Variants in KDM4C observed in about 807,000 individuals in gnomAD.
KDM4C encodes the protein lysine demethylase 4C.
Under a neutral mutation model 129.3 loss-of-function variants are expected in KDM4C, and 81 were observed. The observed-to-expected ratio is 0.63, with a 90% CI of 0.52 to 0.75. The LOEUF is 0.75. KDM4C is among the 30% of genes least tolerant of loss of function. The pLI is 0.00. For missense variants in KDM4C, 1,457 were observed against 1,304.0 expected, an observed-to-expected ratio of 1.12 and a Z score of -1.81; for synonymous variants, 573 against 456.1, an observed-to-expected ratio of 1.26 and a Z score of -3.26.
chr9:6,774,269 A>C (rs1384431825), intron 1 of KDM4C, among the ~76,000 whole-genome samples: 3 of 152,216 alleles, frequency 2.0e-5, no homozygotes, highest in Non-Finnish European at 4.4e-5. Flanking sequence ...GTCCTTCACC[A>C]GGCATGCAGG....
intron 19 of KDM4C, among the ~76,000 whole-genome samples, chr9:7,146,034 C>CA (rs764468790): frequency 1.2e-4 from 18 of 152,326 alleles, no homozygotes; most frequent in Non-Finnish European, 1.8e-4. Flanking sequence ...GGACATTGAA[C>CA]ACTTACCAGT....
intron 15 of KDM4C, among the ~76,000 whole-genome samples, chr9:7,018,033 C>T (rs1244035450): frequency 1.3e-5 from 2 of 152,102 alleles, no homozygotes; most frequent in African/African-American, 4.8e-5. Context: ...TCAGTGGGCC[C>T]AGAAAGCATT....
intron 17 of KDM4C, among the ~76,000 whole-genome samples, chr9:7,061,752 T>C (rs563984323): frequency 1.6e-4 from 24 of 152,354 alleles, no homozygotes; most frequent in Non-Finnish European, 2.2e-4. Flanking sequence ...GAGACCCTCT[T>C]TTACTGGCTC....
intron 19 of KDM4C, among the ~76,000 whole-genome samples, chr9:7,159,354 G>A (rs994793379): frequency 3.9e-5 from 6 of 152,174 alleles, no homozygotes; most frequent in Non-Finnish European, 7.3e-5. Context: ...ATTGTTATGT[G>A]TGAATTTGAT....
chr9:6,932,702 G>A (rs143805703), intron 8 of KDM4C, among the ~76,000 whole-genome samples: 9 of 152,164 alleles, frequency 5.9e-5, no homozygotes, highest in Non-Finnish European at 7.3e-5. Context: ...TCCTTCATTG[G>A]TTCTGACCCC....
chr9:7,009,787 A>G (rs1463196324), intron 12 of KDM4C, among the ~76,000 whole-genome samples: 3 of 152,176 alleles, frequency 2.0e-5, no homozygotes, highest in African/African-American at 7.2e-5. Context: ...TTTCAATTCC[A>G]CTTGACTCCT....
At chr9:7,147,843 G>T (rs988100976) in intron 19 of KDM4C, among the ~76,000 whole-genome samples, 1 of 152,216 alleles carries the variant, frequency 6.6e-6, no homozygotes, top group Non-Finnish European at 1.5e-5. Flanking sequence ...GGAGCCTTAG[G>T]GTGTTGCTTT....
At chr9:7,110,112 C>T (rs1451844278) in intron 18 of KDM4C, among the ~76,000 whole-genome samples, 1 of 152,220 alleles carries the variant, frequency 6.6e-6, no homozygotes, top group Non-Finnish European at 1.5e-5. Flanking sequence ...GACTAATCCA[C>T]ACTTCTAGAC....
intron 19 of KDM4C, among the ~76,000 whole-genome samples, chr9:7,143,337 CA>C (rs1395326758): frequency 6.6e-6 from 1 of 152,178 alleles, no homozygotes; most frequent in East Asian, 1.9e-4. Context: ...ACCAACTATT[CA>C]GTGTTCATTA....
intron 12 of KDM4C, among the ~76,000 whole-genome samples, chr9:6,994,131 A>G (rs1190902348): frequency 1.3e-5 from 2 of 152,004 alleles, no homozygotes; most frequent in Non-Finnish European, 2.9e-5. Flanking sequence ...CCTTACATGC[A>G]TGGTTCACAA....
chr9:7,091,304 A>G (rs1314280760), intron 17 of KDM4C, among the ~76,000 whole-genome samples: 1 of 131,990 alleles, frequency 7.6e-6, no homozygotes, highest in African/African-American at 2.9e-5. Context: ...CAAACTGGAT[A>G]AACATAGGCA....
intron 6 of KDM4C, among the ~76,000 whole-genome samples, chr9:6,884,331 A>G (rs1844924777): frequency 6.6e-6 from 1 of 152,232 alleles, no homozygotes; most frequent in Admixed American, 6.5e-5. Flanking sequence ...GTTTCTCTGC[A>G]TACAATGTAG....
At chr9:6,744,168 GA>G (rs539126108) in intron 1 of KDM4C, among the ~76,000 whole-genome samples, 1 of 151,972 alleles carries the variant, frequency 6.6e-6, no homozygotes, top group Non-Finnish European at 1.5e-5. Context: ...ACAGCGTTTG[GA>G]AAAAAATTAT....
chr9:7,062,626 C>T lies in KDM4C; in HGVS notation c.2424+13426C>T, dbSNP rs879581364. ...CTCAAACTCCTGGGCTGAAGTGATCCTCCTACCTTAGCCTCCCAAAGTGCT... is the reference window on the plus strand; with the variant it reads ...CTCAAACTCCTGGGCTGAAGTGATCTTCCTACCTTAGCCTCCCAAAGTGCT... On this transcript the variant is annotated intron_variant, in intron 17 of 21. Coordinates refer to ENST00000381309, the MANE Select transcript of KDM4C (RefSeq NM_015061.6). Among the ~76,000 whole-genome samples, 34 of 151,718 alleles carry T rather than the reference C, an allele frequency of 2.2e-4. 1 individual carries two copies. Among genetic ancestry groups the T allele is most frequent in the South Asian group, 6.3e-4 (3 of 4,782 alleles).
chr9:6,905,749 G>T (rs1410435888), intron 8 of KDM4C, among the ~76,000 whole-genome samples: 1 of 152,166 alleles, frequency 6.6e-6, no homozygotes, highest in Non-Finnish European at 1.5e-5. Flanking sequence ...ATACAGACAT[G>T]TTTGCTGGTG....
At chr9:7,109,283 A>G (rs1838045940) in intron 18 of KDM4C, among the ~76,000 whole-genome samples, 1 of 152,220 alleles carries the variant, frequency 6.6e-6, no homozygotes, top group Non-Finnish European at 1.5e-5. Context: ...AATTTTTATA[A>G]ACATGAAGAT....
intron 17 of KDM4C, among the ~76,000 whole-genome samples, chr9:7,064,956 A>G (rs1832219594): frequency 6.6e-6 from 1 of 152,206 alleles, no homozygotes; most frequent in African/African-American, 2.4e-5. Flanking sequence ...TCTCTTGTAT[A>G]TTCTCTCTTA....
intron 7 of KDM4C, among the ~76,000 whole-genome samples, chr9:6,891,780 C>G (rs2130885118): frequency 6.6e-6 from 1 of 152,152 alleles, no homozygotes; most frequent in South Asian, 2.1e-4. Flanking sequence ...CTGTTTCAGT[C>G]TCTTCTCCCT....
intron 4 of KDM4C, among the ~76,000 whole-genome samples, chr9:6,828,699 C>T (rs1401918001): frequency 6.6e-6 from 1 of 151,834 alleles, no homozygotes; most frequent in African/African-American, 2.4e-5. Flanking sequence ...GGAGAAACCT[C>T]GTCTCTACTA....
Sources: allele counts gnomAD v4.1 joint callset (sites outside exome capture counted in the v4.1 genomes callset), GRCh38; gene constraint gnomAD v4.1.1; transcripts MANE v1.5; gene names NCBI Gene and HGNC (gene_info 2026-07-23, HGNC 2026-07-21).